The following PHACTR1 variants were observed in gnomAD, a reference collection of about 807,000 sequenced individuals.
PHACTR1 encodes RPEL repeat containing 1.
Under a neutral mutation model 69.2 loss-of-function variants are expected in PHACTR1, and 16 were observed. The observed-to-expected ratio is 0.23, with a 90% CI of 0.16 to 0.35. PHACTR1 has a LOEUF of 0.35. PHACTR1 is among the 10% of genes least tolerant of loss of function. PHACTR1 has a pLI of 1.00. For synonymous variants in PHACTR1, 312 were observed against 284.5 expected (o/e 1.10, Z -0.97); for missense variants, 510 against 734.7 (o/e 0.69, Z 3.54).
At chr6:12,733,109 T>C (rs1763766840) in intron 3 of PHACTR1, among the ~76,000 whole-genome samples, 1 of 152,262 alleles carries the variant, frequency 6.6e-6, no homozygotes, top group South Asian at 2.1e-4. Context: ...ATATTTCTTC[T>C]CCTTATTGTA....
intron 4 of PHACTR1, among the ~76,000 whole-genome samples, chr6:12,892,482 T>A (rs934618682): frequency 4.6e-5 from 7 of 152,206 alleles, no homozygotes; most frequent in Non-Finnish European, 7.3e-5. Flanking sequence ...GATTTATAGC[T>A]AGTTAGAGTT....
At chr6:12,988,793 G>A (rs561092347) in intron 4 of PHACTR1, among the ~76,000 whole-genome samples, 22 of 152,196 alleles carry the variant, frequency 1.4e-4, no homozygotes, top group African/African-American at 3.9e-4. Context: ...TAACCAGTCC[G>A]CCTTGCTGCC....
At chr6:13,053,998 T>C (rs1340948040) in intron 5 of PHACTR1, among the ~76,000 whole-genome samples, 2 of 152,010 alleles carry the variant, frequency 1.3e-5, no homozygotes, top group Non-Finnish European at 2.9e-5. Context: ...AAACAAAGAA[T>C]ACAAATGAAT....
intron 11 of PHACTR1, chr6:13,274,298 A>C (rs1778428551): frequency 6.6e-6 from 1 of 152,166 alleles, no homozygotes; most frequent in African/African-American, 2.4e-5. Flanking sequence ...ATGTGTGTTT[A>C]CTTTTTTCTG....
At chr6:12,934,142 G>A in intron 4 of PHACTR1, 1 of 611,944 alleles carries the variant, frequency 1.6e-6, no homozygotes, top group Non-Finnish European at 2.6e-6. Context: ...AATCCTTGGT[G>A]TTAACTGGGC....
chr6:13,055,195 A>G (rs1041983585), intron 5 of PHACTR1, among the ~76,000 whole-genome samples: 1 of 152,226 alleles, frequency 6.6e-6, no homozygotes, highest in Non-Finnish European at 1.5e-5. Flanking sequence ...TCCTGAGATA[A>G]GAATGAATCT....
chr6:13,054,061 A>G (rs1806410431), intron 5 of PHACTR1, among the ~76,000 whole-genome samples: 1 of 152,166 alleles, frequency 6.6e-6, no homozygotes, highest in Non-Finnish European at 1.5e-5. Flanking sequence ...GACAGCAAAG[A>G]AATGTGGGGG....
intron 4 of PHACTR1, among the ~76,000 whole-genome samples, chr6:12,953,329 A>G (rs1791518575): frequency 6.6e-6 from 1 of 152,218 alleles, no homozygotes; most frequent in African/African-American, 2.4e-5. Flanking sequence ...TCTCAAAAAT[A>G]AATAAATACA....
intron 5 of PHACTR1, among the ~76,000 whole-genome samples, chr6:13,095,999 T>C (rs1434993356): frequency 6.6e-6 from 1 of 152,150 alleles, no homozygotes; most frequent in Non-Finnish European, 1.5e-5. Flanking sequence ...TTCCAGTAGT[T>C]AGAGTCTGAA....
Position 13,272,903 on chromosome 6 carries a change from A to C in PHACTR1, c.1435A>C (p.Asn479His). The C allele has an allele frequency of 6.2e-7, 1 of 1,613,986 alleles. No homozygotes were observed. The highest frequency in any genetic ancestry group is 8.5e-7 in the Non-Finnish European group (1 of 1,179,880). ...AACTGCAGAGGAACTGGAACAGAGG[A>C]ACATTTTGAAACGTAAGTGACTAAG... The part of the protein sequence containing the change: ...RPTAEELEQR[N>H]ILKPRNEQEE... Residue 479 changes from asparagine (N) to histidine (H), a missense_variant, in exon 11 of 15, where the codon AAC becomes CAC. Coordinates refer to ENST00000332995, the MANE Select transcript of PHACTR1 (RefSeq NM_030948.6).
chr6:13,249,634 A>C (rs1774081110), intron 10 of PHACTR1, among the ~76,000 whole-genome samples: 1 of 152,078 alleles, frequency 6.6e-6, no homozygotes, highest in Non-Finnish European at 1.5e-5. Flanking sequence ...CCTCATGTCT[A>C]CTAAAACTAC....
intron 4 of PHACTR1, among the ~76,000 whole-genome samples, chr6:12,920,139 A>C (rs1466811010): frequency 6.6e-6 from 1 of 152,204 alleles, no homozygotes; most frequent in Non-Finnish European, 1.5e-5. Flanking sequence ...TTAACAGATA[A>C]ATATCTGCTC....
rs1418475687 is a variant in PHACTR1, at chr6:12,830,611, CAG to C, written c.250+80824_250+80825del. Among the ~76,000 whole-genome samples, 10 of 151,676 alleles carry C rather than the reference CAG, an allele frequency of 6.6e-5. No individual in the cohort carries two copies. The East Asian group carries it at 1.6e-3, about 24-fold the overall frequency. ...AAAAAAAAAAAAATTTTTTTTGAGA[CAG>C]AGTTTCACTCTTGTTGCCCAGGCTG... is the stretch of plus-strand genomic sequence containing the variant. On this transcript the variant is annotated intron_variant, in intron 4 of 14. Coordinates refer to ENST00000332995, the MANE Select transcript of PHACTR1 (RefSeq NM_030948.6).
chr6:13,008,609 CA>C (rs1190266345), intron 4 of PHACTR1, among the ~76,000 whole-genome samples: 1 of 152,146 alleles, frequency 6.6e-6, no homozygotes, highest in Non-Finnish European at 1.5e-5. Context: ...AAAAAACAAA[CA>C]AAAAACTCAA....
chr6:13,146,935 A>C lies in PHACTR1; in HGVS notation c.416-13269A>C, dbSNP rs996000774. On this transcript the variant is annotated intron_variant, in intron 5 of 14. Transcript: ENST00000332995. Reference sequence around the variant, plus strand: ...ACAAAAAAATTAGATGTTATGATACACCCTCTTACAAGTAATACAAGCAAG... The same window carrying C: ...ACAAAAAAATTAGATGTTATGATACCCCCTCTTACAAGTAATACAAGCAAG... Among the ~76,000 whole-genome samples, 16 of 152,200 alleles carry C rather than the reference A, an allele frequency of 1.1e-4. 1 individual carries two copies. Among genetic ancestry groups the C allele is most frequent in the Admixed American group, 7.8e-4 (12 of 15,290 alleles).
intron 3 of PHACTR1, among the ~76,000 whole-genome samples, chr6:12,744,057 C>T (rs540003826): frequency 6.6e-6 from 1 of 152,342 alleles, no homozygotes; most frequent in African/African-American, 2.4e-5. Flanking sequence ...TGAATGACTA[C>T]TGGGTACATC....
At chr6:12,908,775 G>A (rs976161398) in intron 4 of PHACTR1, among the ~76,000 whole-genome samples, 2 of 152,162 alleles carry the variant, frequency 1.3e-5, no homozygotes, top group African/African-American at 2.4e-5. Flanking sequence ...ATGCCCAAGC[G>A]GTAGGAGGAA....
Position 13,287,119 on chromosome 6 carries a change from TA to T in PHACTR1, c.*44del. ...TGAGTGCTATGCTGTCTTCAAAACA[TA>T]AATTTATAAGAACCATAAGTGCTGG... On this transcript the variant is annotated 3_prime_UTR_variant, in exon 15 of 15. Coordinates refer to ENST00000332995, the MANE Select transcript of PHACTR1 (RefSeq NM_030948.6). 2 of 1,564,364 alleles carry T rather than the reference TA, an allele frequency of 1.3e-6. No individual in the cohort carries two copies. The highest frequency in any genetic ancestry group is 1.7e-6 in the Non-Finnish European group (2 of 1,145,028).
intron 5 of PHACTR1, among the ~76,000 whole-genome samples, chr6:13,149,115 G>A (rs545901890): frequency 6.6e-6 from 1 of 152,304 alleles, no homozygotes; most frequent in Admixed American, 6.5e-5. Context: ...GGCCCCTGCT[G>A]AGCGAGCTGA....
Sources: gnomAD v4.1 joint callset for allele counts (sites outside exome capture counted in the v4.1 genomes callset) on GRCh38, gnomAD v4.1.1 for gene constraint, MANE v1.5 for transcripts, NCBI Gene and HGNC (gene_info 2026-07-23, HGNC 2026-07-21) for gene names.